The following SYN3 variants were observed in gnomAD, a reference collection of about 807,000 sequenced individuals.
SYN3 encodes the protein synapsin III, also known as synapsin-3.
A neutral mutation model predicts 65.8 loss-of-function variants in SYN3; 35 were observed. The observed-to-expected ratio is 0.53, with a 90% CI of 0.41 to 0.70. The LOEUF (loss-of-function observed/expected upper bound fraction) is 0.70, where lower values mean the gene tolerates loss of function less well. Among genes scored for constraint, SYN3 ranks in the 30% least tolerant of loss-of-function variants. The probability of loss-of-function intolerance (pLI) is 0.00; values close to 1 mark genes in which losing one functional copy is unlikely to be tolerated. For synonymous variants in SYN3, 270 were observed against 292.9 expected, an observed-to-expected ratio of 0.92 and a Z score of 0.80; for missense variants, 680 against 749.0, an observed-to-expected ratio of 0.91 and a Z score of 1.08.
chr22:32,671,532 C>T (rs1308889245), intron 6 of SYN3, among the ~76,000 whole-genome samples: 2 of 151,718 alleles, frequency 1.3e-5, no homozygotes, highest in African/African-American at 4.8e-5. Flanking sequence ...TACACATACA[C>T]ACGCTCTCAC....
At chr22:32,672,505 TC>T (rs2060385097) in intron 6 of SYN3, among the ~76,000 whole-genome samples, 1 of 152,138 alleles carries the variant, frequency 6.6e-6, no homozygotes, top group Non-Finnish European at 1.5e-5. Flanking sequence ...AGGCGTCTTC[TC>T]CCCTAGGGCA....
intron 6 of SYN3, among the ~76,000 whole-genome samples, chr22:32,659,324 C>T (rs1400995400): frequency 6.6e-6 from 1 of 152,160 alleles, no homozygotes; most frequent in Non-Finnish European, 1.5e-5. Context: ...AATGAAGCCA[C>T]GAAGAGTGTG....
intron 9 of SYN3, among the ~76,000 whole-genome samples, chr22:32,535,187 C>T (rs893954958): frequency 7.2e-5 from 11 of 152,168 alleles, no homozygotes; most frequent in African/African-American, 2.7e-4. Flanking sequence ...CCAAGCAAGC[C>T]ACCCTTCCTC....
rs2053325030 is a variant in SYN3, at chr22:33,010,608, A to C, written c.-162-3784T>G. 2.0e-5 allele frequency among the ~76,000 whole-genome samples: 3 copies of C among 152,154 alleles called. No individual in the cohort carries two copies. The South Asian group carries it at 6.2e-4, about 32-fold the overall frequency. The stretch of plus-strand genomic sequence containing the variant: ...AAAATCAGGTAAAGTGAGTCCTCCA[A>C]CTTAAATTTTCTGTCTCAAGATTGT... On this transcript the variant is annotated intron_variant, in intron 1 of 13. Transcript: ENST00000358763.
At chr22:32,656,949 G>C (rs2060149259) in intron 6 of SYN3, among the ~76,000 whole-genome samples, 1 of 152,064 alleles carries the variant, frequency 6.6e-6, no homozygotes, top group Non-Finnish European at 1.5e-5. Flanking sequence ...TTAGCTAAGG[G>C]CACCTTGTTG....
chr22:32,729,523 G>A (rs1021043883), intron 6 of SYN3, among the ~76,000 whole-genome samples: 2 of 152,192 alleles, frequency 1.3e-5, no homozygotes, highest in Non-Finnish European at 2.9e-5. Flanking sequence ...CTGAAGTCCC[G>A]CTACCACGCA....
Position 32,837,460 on chromosome 22 carries a change from C to G in SYN3, c.711+27455G>C, listed in dbSNP as rs1207965758. ...CTTGATGTCTCCTCAGAGCACAGCA[C>G]AGATGCCCAGCCAAAACACCCAGGG... On this transcript the variant is annotated intron_variant, in intron 6 of 13. Transcript: ENST00000358763. This position sits in a 1 kb window ranked among gnomAD's most constrained non-coding sequence, Gnocchi z 4.1. 6.6e-6 allele frequency among the ~76,000 whole-genome samples: 1 copy of G among 152,152 alleles called. No individual in the cohort carries two copies. Among genetic ancestry groups the G allele is most frequent in the Non-Finnish European group, 1.5e-5 (1 of 68,024 alleles).
chr22:32,522,295 A>G (rs569748763), intron 12 of SYN3, among the ~76,000 whole-genome samples: 13 of 152,290 alleles, frequency 8.5e-5, no homozygotes, highest in African/African-American at 3.1e-4. Flanking sequence ...TTGGTTTTAA[A>G]TTGATTGTTT....
intron 3 of SYN3, among the ~76,000 whole-genome samples, chr22:32,959,220 G>T (rs1305699663): frequency 2.0e-5 from 3 of 151,960 alleles, no homozygotes; most frequent in African/African-American, 7.3e-5. Context: ...TTCCGCTTTT[G>T]CATCTTCTGC....
chr22:32,535,824 C>T (rs1278811149), intron 9 of SYN3, among the ~76,000 whole-genome samples: 2 of 152,216 alleles, frequency 1.3e-5, no homozygotes, highest in East Asian at 3.9e-4. Context: ...GGGACTAGCA[C>T]TGACCAAGCG....
At chr22:32,887,750 C>A (rs111599522) in intron 4 of SYN3, among the ~76,000 whole-genome samples, 145 of 152,286 alleles carry the variant, frequency 9.5e-4, no homozygotes, top group African/African-American at 3.4e-3. Flanking sequence ...TTATTGTTCA[C>A]GAGTTGACAG....
rs111497198 is a variant in SYN3 at position 32,777,447 on chromosome 22, G to A, written c.711+87468C>T. ...TGTTTAGGAAGAAAAGTCCTGACTCGGTGCAATATTGTCCCCAGTATGTTG... is the reference window on the plus strand; with the variant it reads ...TGTTTAGGAAGAAAAGTCCTGACTCAGTGCAATATTGTCCCCAGTATGTTG... On this transcript the variant is annotated intron_variant, in intron 6 of 13. Coordinates refer to ENST00000358763, the MANE Select transcript of SYN3 (RefSeq NM_003490.4). Among the ~76,000 whole-genome samples, 177 of 152,038 alleles carry A rather than the reference G, an allele frequency of 1.2e-3. 1 individual carries two copies. Among genetic ancestry groups the A allele is most frequent in the African/African-American group, 3.9e-3 (162 of 41,486 alleles).
intron 1 of SYN3, among the ~76,000 whole-genome samples, chr22:33,012,005 T>A (rs1435380040): frequency 6.6e-6 from 1 of 152,206 alleles, no homozygotes; most frequent in Non-Finnish European, 1.5e-5. Context: ...TTGCAGCCTT[T>A]TCAATTTCTC....
intron 6 of SYN3, among the ~76,000 whole-genome samples, chr22:32,820,265 TGC>T (rs997172969): frequency 7.0e-6 from 1 of 141,852 alleles, no homozygotes; most frequent in Non-Finnish European, 1.6e-5. Flanking sequence ...TGTGTGTGCG[TGC>T]GCGTGTGTGT....
chr22:32,550,223 A>G (rs575278167), intron 7 of SYN3, among the ~76,000 whole-genome samples: 1 of 152,182 alleles, frequency 6.6e-6, no homozygotes, highest in Non-Finnish European at 1.5e-5. Context: ...CATTTCTTAG[A>G]TGAATAAATT....
At chr22:32,981,569 A>G (rs1043340736) in intron 2 of SYN3, among the ~76,000 whole-genome samples, 1 of 151,886 alleles carries the variant, frequency 6.6e-6, no homozygotes, top group Non-Finnish European at 1.5e-5. Flanking sequence ...GAGCAACAAG[A>G]GCGAAACTCA....
intron 6 of SYN3, among the ~76,000 whole-genome samples, chr22:32,776,299 T>G (rs1322951178): frequency 3.3e-5 from 5 of 152,164 alleles, no homozygotes; most frequent in African/African-American, 1.2e-4. Context: ...TCTGTCATTT[T>G]AAGTCACTTG....
At chr22:32,534,028 G>C (rs1223094250) in intron 9 of SYN3, 133 bp from the exon 10 acceptor site, 1 of 614,274 alleles carries the variant, frequency 1.6e-6, no homozygotes, top group Admixed American at 2.4e-5. Context: ...GCGATGGAGA[G>C]AGACAGAGAA....
At chr22:32,822,932 A>C (rs571200360) in intron 6 of SYN3, among the ~76,000 whole-genome samples, 9 of 151,448 alleles carry the variant, frequency 5.9e-5, no homozygotes, top group South Asian at 2.1e-4. Context: ...ACAACAACAA[A>C]AAAAAAACAG....
Sources: gnomAD v4.1 joint callset for allele counts (sites outside exome capture counted in the v4.1 genomes callset) on GRCh38, gnomAD v4.1.1 for gene constraint, Gnocchi (gnomAD v3.1) non-coding constraint, MANE v1.5 for transcripts, NCBI Gene and HGNC (gene_info 2026-07-23, HGNC 2026-07-21) for gene names.